MCUB: variants seen among roughly 807,000 people sequenced by gnomAD.
MCUB encodes mitochondrial calcium uniporter dominant negative subunit beta.
Under a neutral mutation model 41.4 loss-of-function variants are expected in MCUB, and 46 were observed. The observed-to-expected ratio is 1.11, with a 90% confidence interval of 0.88 to 1.42. The LOEUF (loss-of-function observed/expected upper bound fraction) is 1.42. Among genes scored for constraint, MCUB ranks in the 40% most tolerant of loss-of-function variants. MCUB has a pLI of 0.00. For missense variants in MCUB, 403 were observed against 404.9 expected (o/e 1.00, Z 0.04); for synonymous variants, 148 against 148.2 (o/e 1.00, Z 0.01).
At chr4:109,630,904 G>T (rs1275680060) in intron 1 of MCUB, among the ~76,000 whole-genome samples, 2 of 152,090 alleles carry the variant, frequency 1.3e-5, no homozygotes, top group Non-Finnish European at 2.9e-5. Context: ...TTTTATTCTT[G>T]CATTAAATGT....
rs76114669 is a variant in MCUB at position 109,651,446 on chromosome 4, C to T, written c.100-7565C>T. ...CTTAGGTAAGCATAGTATCTGGTGC[C>T]AAGAGCTAGATGCTAGATGTTATTA... On this transcript the variant is annotated intron_variant, in intron 1 of 7. Transcript: ENST00000394650. 3.2e-3 allele frequency among the ~76,000 whole-genome samples: 493 copies of T among 152,186 alleles called. 3 individuals carry two copies. Among genetic ancestry groups the T allele is most frequent in the African/African-American group, 0.011 (473 of 41,510 alleles).
At chr4:109,649,648 T>G (rs1458524161) in intron 1 of MCUB, among the ~76,000 whole-genome samples, 2 of 152,132 alleles carry the variant, frequency 1.3e-5, no homozygotes, top group Non-Finnish European at 2.9e-5. Context: ...TTTCAGGCAT[T>G]ATAAGAATTT....
chr4:109,579,907 A>C (rs959996768), intron 1 of MCUB, among the ~76,000 whole-genome samples: 1 of 152,224 alleles, frequency 6.6e-6, no homozygotes, highest in Non-Finnish European at 1.5e-5. Context: ...ATTATACTTT[A>C]AGTTCTAGGG....
At chr4:109,595,237 G>A (rs188202077) in intron 1 of MCUB, among the ~76,000 whole-genome samples, 215 of 146,252 alleles carry the variant, frequency 1.5e-3, no homozygotes, top group Non-Finnish European at 2.1e-3. Flanking sequence ...GGAGACGGTT[G>A]CCTTCATCTC....
chr4:109,668,078 A>T (rs892282028), intron 4 of MCUB, among the ~76,000 whole-genome samples: 7 of 151,974 alleles, frequency 4.6e-5, no homozygotes, highest in Non-Finnish European at 8.8e-5. Flanking sequence ...TCTTGATGAG[A>T]TGTTCCCTGT....
At chr4:109,680,276 G>T (rs1729687231) in intron 4 of MCUB, among the ~76,000 whole-genome samples, 1 of 152,050 alleles carries the variant, frequency 6.6e-6, no homozygotes, top group Non-Finnish European at 1.5e-5. Context: ...TTCTGGATAG[G>T]TACCAGTTAA....
intron 1 of MCUB, among the ~76,000 whole-genome samples, chr4:109,643,850 A>G (rs554725095): frequency 6.6e-6 from 1 of 152,350 alleles, no homozygotes; most frequent in South Asian, 2.1e-4. Context: ...TCTGTAGTAC[A>G]TTGCTACGGC....
At chr4:109,645,092 C>T (rs1382304027) in intron 1 of MCUB, among the ~76,000 whole-genome samples, 1 of 152,268 alleles carries the variant, frequency 6.6e-6, no homozygotes, top group East Asian at 1.9e-4. Context: ...ACCTCAAACT[C>T]AGCATTTTTT....
At chr4:109,612,837 T>TAG (rs1728042083) in intron 1 of MCUB, among the ~76,000 whole-genome samples, 1 of 152,144 alleles carries the variant, frequency 6.6e-6, no homozygotes. Context: ...CCGGGTGCGG[T>TAG]GTCTCACGCC....
intron 1 of MCUB, among the ~76,000 whole-genome samples, chr4:109,600,313 T>C (rs183063981): frequency 9.7e-4 from 148 of 152,338 alleles, no homozygotes; most frequent in African/African-American, 3.4e-3. Flanking sequence ...GTAGCCCTCA[T>C]CTGAAAAATG....
At chr4:109,648,142 A>C (rs1728878150) in intron 1 of MCUB, among the ~76,000 whole-genome samples, 1 of 152,222 alleles carries the variant, frequency 6.6e-6, no homozygotes, top group African/African-American at 2.4e-5. Flanking sequence ...TAGGACAGGA[A>C]GATTGTCTAA....
At chr4:109,606,887 C>T (rs1448276668) in intron 1 of MCUB, among the ~76,000 whole-genome samples, 1 of 151,914 alleles carries the variant, frequency 6.6e-6, no homozygotes, top group Non-Finnish European at 1.5e-5. Flanking sequence ...GCTGGGATTA[C>T]AGGCACCTGC....
intron 1 of MCUB, among the ~76,000 whole-genome samples, chr4:109,572,075 C>A (rs1237082111): frequency 6.6e-6 from 1 of 152,192 alleles, no homozygotes; most frequent in Non-Finnish European, 1.5e-5. Context: ...TATAAGTGTT[C>A]CTCAGCAATA....
chr4:109,682,595 T>A lies in MCUB; in HGVS notation c.465T>A (p.Asn155Lys), dbSNP rs202191981. ...VQCPKREKPS[N>K]EHTAEMEHMK... ...GTCTTTTCTCAGAAAAACCAAGTAA[T>A]GAGCACACTGCTGAGATGGAACACA... is the stretch of plus-strand genomic sequence containing the variant. The change falls in exon 5 of 8, where the codon AAT (asparagine) becomes AAA (lysine). Residue 155 changes from asparagine to lysine, a missense_variant. By Grantham distance (94) the Asn-to-Lys change is moderately conservative. Transcript: ENST00000394650. The A allele has an allele frequency of 1.2e-6, 2 of 1,608,292 alleles. No homozygotes were observed. The highest frequency in any genetic ancestry group is 1.3e-5 in the African/African-American group (1 of 74,690).
chr4:109,562,957 G>T (rs1344026742), intron 1 of MCUB, among the ~76,000 whole-genome samples: 1 of 152,254 alleles, frequency 6.6e-6, no homozygotes, highest in African/African-American at 2.4e-5. Flanking sequence ...GCGTAGTAGA[G>T]CAAGAGCATA....
At chr4:109,685,204 GT>G in intron 6 of MCUB, 46 bp from the exon 7 acceptor site, 2 of 803,582 alleles carry the variant, frequency 2.5e-6, no homozygotes, top group Non-Finnish European at 4.3e-6. Context: ...GAGGCATTAT[GT>G]TCATTCAAAA....
chr4:109,603,917 T>C (rs1727809824), intron 1 of MCUB, among the ~76,000 whole-genome samples: 1 of 152,188 alleles, frequency 6.6e-6, no homozygotes, highest in South Asian at 2.1e-4. Context: ...CGGGCCATGA[T>C]GACGATGGCG....
At chr4:109,575,732 A>G (rs1048840626) in intron 1 of MCUB, among the ~76,000 whole-genome samples, 3 of 152,234 alleles carry the variant, frequency 2.0e-5, no homozygotes, top group African/African-American at 7.2e-5. Context: ...AAATATCTTT[A>G]TAGTTATCCC....
At chr4:109,572,637 A>G (rs974163560) in intron 1 of MCUB, among the ~76,000 whole-genome samples, 2 of 152,118 alleles carry the variant, frequency 1.3e-5, no homozygotes, top group African/African-American at 4.8e-5. Flanking sequence ...AAAGAGATTA[A>G]TAACTATATT....
Sources: allele counts gnomAD v4.1 joint callset (sites outside exome capture counted in the v4.1 genomes callset), GRCh38; gene constraint gnomAD v4.1.1; transcripts MANE v1.5; gene names NCBI Gene and HGNC (gene_info 2026-07-23, HGNC 2026-07-21).